The following FAM83B variants were observed in gnomAD, a reference collection of about 807,000 sequenced individuals.
The protein encoded by FAM83B is scaffolding CK1 anchoring protein B, also known as protein FAM83B.
FAM83B carries 26 observed loss-of-function variants against 38.8 expected under a neutral mutation model. That is an observed-to-expected ratio of 0.67 (90% CI 0.49 to 0.93). The LOEUF (loss-of-function observed/expected upper bound fraction) is 0.93, where lower values mean the gene tolerates loss of function less well. Ranked by LOEUF, FAM83B falls within the 40% of genes least tolerant of loss-of-function variation. The pLI is 0.00. For missense variants in FAM83B, 1,237 were observed against 1,197.3 expected, an observed-to-expected ratio of 1.03 and a Z score of -0.49; for synonymous variants, 419 against 423.1, an observed-to-expected ratio of 0.99 and a Z score of 0.12.
intron 4 of FAM83B, among the ~76,000 whole-genome samples, chr6:54,931,773 A>G (rs906291950): frequency 1.3e-5 from 2 of 152,032 alleles, no homozygotes; most frequent in African/African-American, 4.8e-5. Flanking sequence ...AAGTCTTTCA[A>G]TGAGGTAATT....
chr6:54,882,633 T>G (rs1335286675), intron 2 of FAM83B, among the ~76,000 whole-genome samples: 1 of 152,146 alleles, frequency 6.6e-6, no homozygotes, highest in Non-Finnish European at 1.5e-5. Context: ...GATTCCTGGT[T>G]ATCTGCCACA....
intron 2 of FAM83B, among the ~76,000 whole-genome samples, chr6:54,872,714 A>C (rs1771887992): frequency 6.6e-6 from 1 of 152,132 alleles, no homozygotes; most frequent in Non-Finnish European, 1.5e-5. Context: ...ATGAGCCTCT[A>C]AAAGTAATAT....
chr6:54,926,041 T>C (rs766446703), intron 2 of FAM83B, among the ~76,000 whole-genome samples: 14 of 152,156 alleles, frequency 9.2e-5, no homozygotes, highest in Non-Finnish European at 1.5e-4. Flanking sequence ...GTAACACTGG[T>C]TTCCACCTTG....
intron 2 of FAM83B, among the ~76,000 whole-genome samples, chr6:54,912,232 AATGGT>A (rs1250043960): frequency 6.6e-6 from 1 of 151,980 alleles, no homozygotes; most frequent in African/African-American, 2.4e-5. Flanking sequence ...ATGTAATGAA[AATGGT>A]TGAAGTAAAT....
intron 1 of FAM83B, among the ~76,000 whole-genome samples, chr6:54,851,599 A>G (rs1292562281): frequency 1.3e-5 from 2 of 148,788 alleles, no homozygotes; most frequent in African/African-American, 5.0e-5. Flanking sequence ...CAGCCTCCCG[A>G]GTAGCTGGGA....
rs1413522011 is a variant in FAM83B at position 54,941,451 on chromosome 6, C to G, written c.2480C>G (p.Ser827Cys). The G allele has an allele frequency of 6.2e-6, 10 of 1,612,910 alleles. No individual in the cohort carries two copies. Among genetic ancestry groups the G allele is most frequent in the Non-Finnish European group, 8.5e-6 (10 of 1,179,808 alleles). The change falls in exon 5 of 5, where the codon TCT (serine) becomes TGT (cysteine). Residue 827 changes from serine to cysteine, a missense_variant. Physicochemically the swap from Ser to Cys is moderately radical, Grantham distance 112. Transcript: ENST00000306858. ...AAATCAGACACAAAAGTTGATTCAT[C>G]TCCTAGAAGAAAGCATTCTTCCTCA... ...PKKSDTKVDSSPRRKHSSSSN... is the reference protein window; with the variant it reads ...PKKSDTKVDSCPRRKHSSSSN...
At chr6:54,856,246 A>G (rs954445412) in intron 1 of FAM83B, among the ~76,000 whole-genome samples, 3 of 152,192 alleles carry the variant, frequency 2.0e-5, no homozygotes, top group Non-Finnish European at 4.4e-5. Context: ...CGATAAGTCA[A>G]CCAGTGATAG....
intron 2 of FAM83B, among the ~76,000 whole-genome samples, chr6:54,886,480 A>G (rs567370615): frequency 1.3e-5 from 2 of 151,420 alleles, no homozygotes; most frequent in East Asian, 1.9e-4. Flanking sequence ...CAGATTTTCT[A>G]TTTTTTTCTT....
At chr6:54,927,977 G>A (rs540888855) in intron 4 of FAM83B, among the ~76,000 whole-genome samples, 4 of 152,196 alleles carry the variant, frequency 2.6e-5, no homozygotes, top group South Asian at 2.1e-4. Flanking sequence ...AGTTACAATC[G>A]TTTGTAAAAA....
chr6:54,929,145 T>A (rs1360620539), intron 4 of FAM83B, among the ~76,000 whole-genome samples: 3 of 152,312 alleles, frequency 2.0e-5, no homozygotes, highest in South Asian at 2.1e-4. Context: ...ATAGTTGTAA[T>A]CATTGTCCTT....
At position 54,940,472 on chromosome 6, in the gene FAM83B, T is replaced by G. The variant is rs1160152319; in HGVS notation, c.1501T>G (p.Leu501Val). 3 of 1,614,026 alleles carry G rather than the reference T, an allele frequency of 1.9e-6. No individual in the cohort carries two copies. The highest frequency in any genetic ancestry group is 1.1e-5 in the South Asian group (1 of 91,078). ...FLRNWRIESYLNDHSEATPDS... is the reference protein window; with the variant it reads ...FLRNWRIESYVNDHSEATPDS... ...ACGTAACTGGAGAATTGAATCCTAC[T>G]TAAATGATCATTCAGAAGCTACACC... Residue 501 changes from leucine (L) to valine (V), a missense_variant, in exon 5 of 5, where the codon TTA becomes GTA. By Grantham distance (32) the Leu-to-Val change is conservative. Coordinates refer to ENST00000306858, the MANE Select transcript of FAM83B (RefSeq NM_001010872.3).
intron 2 of FAM83B, among the ~76,000 whole-genome samples, chr6:54,889,716 CAG>C: frequency 6.6e-6 from 1 of 152,142 alleles, no homozygotes; most frequent in South Asian, 2.1e-4. Flanking sequence ...GAATCATGGA[CAG>C]AGTGCTGACT....
chr6:54,883,742 T>A (rs2127578525), intron 2 of FAM83B, among the ~76,000 whole-genome samples: 1 of 152,216 alleles, frequency 6.6e-6, no homozygotes, highest in Admixed American at 6.5e-5. Flanking sequence ...TTTCTATAGC[T>A]TAGTTGTTCA....
At chr6:54,881,024 CT>C (rs1772121006) in intron 2 of FAM83B, among the ~76,000 whole-genome samples, 1 of 152,034 alleles carries the variant, frequency 6.6e-6, no homozygotes, top group Non-Finnish European at 1.5e-5. Flanking sequence ...TGCCTCCTGT[CT>C]TTTTTCACTT....
intron 1 of FAM83B, among the ~76,000 whole-genome samples, chr6:54,849,513 T>G: frequency 1.4e-5 from 2 of 138,950 alleles, no homozygotes; most frequent in African/African-American, 2.8e-5. Flanking sequence ...GTACAGAAGG[T>G]AGGGGTGGGT....
chr6:54,897,252 T>C (rs1042735302), intron 2 of FAM83B, among the ~76,000 whole-genome samples: 6 of 149,170 alleles, frequency 4.0e-5, no homozygotes, highest in African/African-American at 1.5e-4. Flanking sequence ...ATCTGGACAG[T>C]GGGGAAATCA....
At chr6:54,935,594 C>T (rs1007266582) in intron 4 of FAM83B, among the ~76,000 whole-genome samples, 5 of 152,108 alleles carry the variant, frequency 3.3e-5, no homozygotes, top group African/African-American at 1.2e-4. Context: ...TAGGAATTAT[C>T]TTAGGCCAGG....
intron 4 of FAM83B, among the ~76,000 whole-genome samples, chr6:54,931,382 T>C (rs1353344873): frequency 2.0e-5 from 3 of 152,178 alleles, no homozygotes; most frequent in East Asian, 1.9e-4. Context: ...AAGTAGAGTA[T>C]TGAAGTCTCC....
chr6:54,926,618 G>A, intron 3 of FAM83B, 83 bp downstream of exon 3: 1 of 1,122,378 alleles, frequency 8.9e-7, no homozygotes, highest in Non-Finnish European at 1.2e-6. Flanking sequence ...TAAGGTAGAT[G>A]AATATAAAAC....
Sources: allele counts gnomAD v4.1 joint callset (sites outside exome capture counted in the v4.1 genomes callset), GRCh38; gene constraint gnomAD v4.1.1; transcripts MANE v1.5; gene names NCBI Gene and HGNC (gene_info 2026-07-23, HGNC 2026-07-21).